RBFOX2: variants seen among roughly 807,000 people sequenced by gnomAD.
RBFOX2 encodes RNA binding protein fox-1 homolog 2.
Under a neutral mutation model 49.1 loss-of-function variants are expected in RBFOX2, and 10 were observed. The observed-to-expected ratio is 0.20, with a 90% CI of 0.13 to 0.35. RBFOX2 has a LOEUF of 0.35. Among genes scored for constraint, RBFOX2 ranks in the 10% least tolerant of loss-of-function variants. The probability of loss-of-function intolerance (pLI) is 1.00; values close to 1 mark genes in which losing one functional copy is unlikely to be tolerated. For synonymous variants in RBFOX2, 183 were observed against 187.4 expected (o/e 0.98, Z 0.19); for missense variants, 323 against 486.9 (o/e 0.66, Z 3.17).
exon 1 of RBFOX2, among the ~76,000 whole-genome samples, chr22:36,028,744 A>C (rs1603470246): frequency 6.6e-6 from 1 of 150,718 alleles, no homozygotes; most frequent in African/African-American, 2.4e-5. Context: ...CGCCTCTCGC[A>C]CTCCCGGAGC....
intron 1 of RBFOX2, among the ~76,000 whole-genome samples, chr22:35,890,911 T>C (rs1221134419): frequency 1.3e-5 from 2 of 152,140 alleles, no homozygotes; most frequent in African/African-American, 4.8e-5. Flanking sequence ...TGCCATTTAC[T>C]GCTTGTCATA....
intron 1 of RBFOX2, among the ~76,000 whole-genome samples, chr22:36,001,977 T>C (rs1041514047): frequency 3.3e-5 from 5 of 151,954 alleles, no homozygotes; most frequent in African/African-American, 1.2e-4. Flanking sequence ...GGCAGGAGAA[T>C]TGCTTGAACC....
chr22:36,021,765 G>A (rs1180585425), intron 1 of RBFOX2, among the ~76,000 whole-genome samples: 2 of 152,154 alleles, frequency 1.3e-5, no homozygotes, highest in East Asian at 3.8e-4. Context: ...GTTCTGATCC[G>A]ATTTGTCCCA....
intron 1 of RBFOX2, among the ~76,000 whole-genome samples, chr22:35,960,248 G>T (rs2056049585): frequency 6.6e-6 from 1 of 152,114 alleles, no homozygotes; most frequent in African/African-American, 2.4e-5. Context: ...TTATATATTA[G>T]CTTACTTAGT....
At chr22:35,939,598 T>C (rs1409161236), upstream of RBFOX2, among the ~76,000 whole-genome samples, 1 of 152,152 alleles carries the variant, frequency 6.6e-6, no homozygotes, top group African/African-American at 2.4e-5. Flanking sequence ...TTATGTTACT[T>C]ATGATTCTAA....
chr22:35,940,667 C>T (rs77041335), upstream of RBFOX2, among the ~76,000 whole-genome samples: 1,337 of 151,988 alleles, frequency 8.8e-3, 8 homozygotes, highest in Non-Finnish European at 0.013. Context: ...TTCATAATAA[C>T]CAAACAGCAG....
At chr22:35,774,087 C>T (rs1943326130) in intron 4 of RBFOX2, among the ~76,000 whole-genome samples, 1 of 152,008 alleles carries the variant, frequency 6.6e-6, no homozygotes, top group Non-Finnish European at 1.5e-5. Context: ...CATTAAGCAT[C>T]ATGTTTTCCT....
intron 1 of RBFOX2, among the ~76,000 whole-genome samples, chr22:35,833,715 T>C (rs906478323): frequency 1.3e-5 from 2 of 152,294 alleles, no homozygotes; most frequent in South Asian, 4.2e-4. Context: ...TCATTATTAG[T>C]GGTGGTTAAG....
rs150099159 is a variant in RBFOX2, at chr22:35,900,677, C to T, written c.-34+38170G>A. On this transcript the variant is annotated intron_variant, in intron 1 of 13. Transcript: ENST00000359369. ...TAAAATAGCAGGGATTCCCACAGGG[C>T]AATCTCTAACAGAATTCTGCTACTC... Among the ~76,000 whole-genome samples, 12 of 151,960 alleles carry T rather than the reference C, an allele frequency of 7.9e-5. No individual in the cohort carries two copies. In the East Asian group the frequency reaches 2.1e-3, roughly 27 times the overall value.
chr22:35,814,944 CCT>C (rs762075949), intron 1 of RBFOX2, among the ~76,000 whole-genome samples: 18 of 151,968 alleles, frequency 1.2e-4, no homozygotes, highest in Non-Finnish European at 2.6e-4. Flanking sequence ...AATTTCCCAC[CCT>C]AATTTTTCAA....
chr22:35,742,613 G>A lies in RBFOX2; in HGVS notation c.*1582C>T, dbSNP rs193055847. 13 of 152,728 alleles carry A rather than the reference G, an allele frequency of 8.5e-5. No homozygotes were observed. In the East Asian group the frequency reaches 9.7e-4, roughly 11 times the overall value. 9.5% of individuals were successfully genotyped at this position (152,728 alleles called of 1,614,324 possible). ...ACTAGACCAGGGAGCCAAAAAGACC[G>A]TGCTTTTCTATTTCCTAATGCCTTC... On this transcript the variant is annotated 3_prime_UTR_variant, in exon 12 of 12. Transcript: ENST00000405409.
intron 6 of RBFOX2, among the ~76,000 whole-genome samples, chr22:35,763,758 T>C (rs940193248): frequency 5.3e-5 from 8 of 152,218 alleles, no homozygotes; most frequent in African/African-American, 1.9e-4. Flanking sequence ...TCTCATTTCC[T>C]AATAATAAGC....
At chr22:35,813,659 T>A (rs1952383161) in intron 1 of RBFOX2, among the ~76,000 whole-genome samples, 1 of 152,332 alleles carries the variant, frequency 6.6e-6, no homozygotes, top group African/African-American at 2.4e-5. Context: ...GTATTTTAAC[T>A]CCCCTATTAG....
intron 1 of RBFOX2, among the ~76,000 whole-genome samples, chr22:35,896,807 TTAC>T (rs1225862522): frequency 6.6e-6 from 1 of 152,160 alleles, no homozygotes; most frequent in Non-Finnish European, 1.5e-5. Context: ...GAAGGCAAGA[TTAC>T]TACATTTCTA....
chr22:35,938,952 A>G, upstream of RBFOX2: 1 of 1,495,052 alleles, frequency 6.7e-7, no homozygotes, highest in Non-Finnish European at 9.3e-7. Flanking sequence ...AATGTTAGGC[A>G]TAATCAAAAT....
At chr22:35,955,315 G>A (rs978041257) in intron 1 of RBFOX2, among the ~76,000 whole-genome samples, 1 of 152,080 alleles carries the variant, frequency 6.6e-6, no homozygotes, top group Admixed American at 6.5e-5. Context: ...AACTAAAACT[G>A]AGTACTTTTA....
intron 1 of RBFOX2, among the ~76,000 whole-genome samples, chr22:35,923,340 T>C (rs1261014426): frequency 2.0e-5 from 3 of 150,706 alleles, no homozygotes; most frequent in African/African-American, 7.3e-5. Context: ...ATCTTTTTTT[T>C]CTTTTTTCTT....
chr22:35,934,007 T>C (rs1467099159), intron 1 of RBFOX2, among the ~76,000 whole-genome samples: 2 of 148,512 alleles, frequency 1.3e-5, no homozygotes, highest in Admixed American at 6.7e-5. Flanking sequence ...CTAATGTGAA[T>C]GCTTTGTGAA....
chr22:35,869,792 G>T lies in RBFOX2; in HGVS notation c.-33-59788C>A, dbSNP rs535037437. ...ATACTTCTACTGCAGACTTACCAAA[G>T]TGGAAATTCTTTTAGTCACTGTGAG... On this transcript the variant is annotated intron_variant, in intron 1 of 13. Coordinates refer to the RBFOX2 transcript ENST00000359369. Among the ~76,000 whole-genome samples the T allele has an allele frequency of 9.2e-5, 14 of 152,296 alleles. 1 individual carries two copies. The South Asian group carries it at 2.7e-3, about 29-fold the overall frequency.
Sources: allele counts gnomAD v4.1 joint callset (sites outside exome capture counted in the v4.1 genomes callset), GRCh38; gene constraint gnomAD v4.1.1; transcripts MANE v1.5; gene names NCBI Gene and HGNC (gene_info 2026-07-23, HGNC 2026-07-21).